The following EIF3D variants were observed in gnomAD, a reference collection of about 807,000 sequenced individuals.
EIF3D encodes eukaryotic translation initiation factor 3 subunit D, also known as eIF3 p66.
A neutral mutation model predicts 75.4 loss-of-function variants in EIF3D; 10 were observed. The ratio of observed to expected loss-of-function variants is 0.13; its 90% confidence interval spans 0.08 to 0.22. The LOEUF (loss-of-function observed/expected upper bound fraction) is 0.22, where lower values mean the gene tolerates loss of function less well. Ranked by LOEUF, EIF3D falls within the 10% of genes least tolerant of loss-of-function variation. The probability of loss-of-function intolerance (pLI) is 1.00; values close to 1 mark genes in which losing one functional copy is unlikely to be tolerated. For synonymous variants in EIF3D, 246 were observed against 248.3 expected (o/e 0.99, Z 0.09); for missense variants, 394 against 708.0 (o/e 0.56, Z 5.03).
rs1205270518 is a variant in EIF3D, at chr22:36,524,736, G to A, written c.170-4C>T. On this transcript the variant is annotated splice_region_variant and splice_polypyrimidine_tract_variant and intron_variant, in intron 3 of 14. Transcript: ENST00000216190. ...CCAAACTGAGAGGAGTACTTATCTG[G>A]AGGCAAAGGTGATGGCATGTAGTAA... 10 of 1,614,096 alleles carry A rather than the reference G, an allele frequency of 6.2e-6. No individual in the cohort carries two copies. In the African/African-American group the frequency reaches 1.3e-4, roughly 22 times the overall value.
chr22:36,512,169 C>A (rs1934350491), intron 13 of EIF3D, among the ~76,000 whole-genome samples: 1 of 152,202 alleles, frequency 6.6e-6, no homozygotes. Flanking sequence ...GGATTACAGG[C>A]ATGAGCCACC....
intron 9 of EIF3D, among the ~76,000 whole-genome samples, chr22:36,517,963 G>A (rs13056611): frequency 0.1 from 15,719 of 151,946 alleles, 918 homozygotes; most frequent in Middle Eastern, 0.27. Context: ...GGCCAGGCTT[G>A]GTCTCGATCT....
rs558028585 is a variant in EIF3D at position 36,514,555 on chromosome 22, C to G, written c.1206+1923G>C. 7.1e-4 allele frequency among the ~76,000 whole-genome samples: 102 copies of G among 144,108 alleles called. 1 individual carries two copies. The South Asian group carries it at 0.013, about 18-fold the overall frequency. The allele number at this position is 144,108 out of a possible 152,430, so 94.5% of individuals were successfully genotyped here. ...GTCGGAGACGGAGGAAGTCAGAGAT[C>G]TGAAGCACAAGAAGGATCTGATGTG... On this transcript the variant is annotated intron_variant, in intron 12 of 14. Coordinates refer to ENST00000216190, the MANE Select transcript of EIF3D (RefSeq NM_003753.4).
At chr22:36,512,018 G>A (rs1286798254) in intron 13 of EIF3D, among the ~76,000 whole-genome samples, 1 of 151,760 alleles carries the variant, frequency 6.6e-6, no homozygotes, top group East Asian at 1.9e-4. Flanking sequence ...AGCCCCCTGA[G>A]TAGCTGGGGC....
chr22:36,511,425 G>C, intron 14 of EIF3D, 78 bp downstream of exon 14: 1 of 1,573,522 alleles, frequency 6.4e-7, no homozygotes, highest in Non-Finnish European at 8.6e-7. Context: ...CAAGGTTAAA[G>C]ATCACAATGG....
intron 11 of EIF3D, 46 bp downstream of exon 11, chr22:36,516,659 C>A (rs1442470037): frequency 2.5e-6 from 4 of 1,613,952 alleles, no homozygotes; most frequent in East Asian, 2.2e-5. Context: ...TAGAGTGGGG[C>A]CCGTGCTCCA....
chr22:36,519,848 T>A (rs910680819), intron 7 of EIF3D, among the ~76,000 whole-genome samples: 1 of 152,176 alleles, frequency 6.6e-6, no homozygotes, highest in African/African-American at 2.4e-5. Flanking sequence ...GGTGCTCTGG[T>A]TTCCCACTAC....
At chr22:36,512,871 A>ACACAC (rs1315561064) in intron 12 of EIF3D, 1 of 408,212 alleles carries the variant, frequency 2.4e-6, no homozygotes, top group African/African-American at 2.0e-5. Context: ...ACACACACAC[A>ACACAC]CACACACACT....
chr22:36,519,492 G>A lies in EIF3D; in HGVS notation c.624C>T (p.Arg208=), dbSNP rs1372903545. 4 of 1,614,078 alleles carry A rather than the reference G, an allele frequency of 2.5e-6. No homozygotes were observed. The African/African-American group carries it at 5.3e-5, about 22-fold the overall frequency. Residue 208 remains arginine (R), a synonymous_variant, in exon 8 of 15, where the codon CGC becomes CGT. Transcript: ENST00000216190. ...ALEYYDKAFD[R]ITTRSEKPLR... is the part of the protein sequence containing the mutation. ...GTGGCTTCTCACTCCTCGTGGTGAT[G>A]CGGTCAAAGGCTTTGTCGTAGTATT...
chr22:36,515,449 GC>G (rs1308287568), intron 12 of EIF3D, among the ~76,000 whole-genome samples: 2 of 152,128 alleles, frequency 1.3e-5, no homozygotes, highest in African/African-American at 2.4e-5. Flanking sequence ...AATCGCTTGA[GC>G]CCGGGAGGTA....
At position 36,524,751 on chromosome 22, in the gene EIF3D, G is replaced by T. The variant is rs760961858; in HGVS notation, c.170-19C>A. The T allele has an allele frequency of 1.3e-5, 21 of 1,614,058 alleles. No individual in the cohort carries two copies. Among genetic ancestry groups the T allele is most frequent in the Admixed American group, 1.7e-5 (1 of 60,006 alleles). ...TACTTATCTGGAGGCAAAGGTGATGGCATGTAGTAACTGCACCCACAGACT... is the reference window on the plus strand; with the variant it reads ...TACTTATCTGGAGGCAAAGGTGATGTCATGTAGTAACTGCACCCACAGACT... On this transcript the variant is annotated intron_variant, in intron 3 of 14. Coordinates refer to ENST00000216190, the MANE Select transcript of EIF3D (RefSeq NM_003753.4).
chr22:36,519,666 G>T, intron 7 of EIF3D, 129 bp from the exon 8 acceptor site: 1 of 1,297,142 alleles, frequency 7.7e-7, no homozygotes, highest in Non-Finnish European at 1.1e-6. Context: ...GGCCAGAGCA[G>T]GAGAGACGAA....
chr22:36,527,992 G>A (rs931356757), intron 1 of EIF3D, among the ~76,000 whole-genome samples: 2 of 152,152 alleles, frequency 1.3e-5, no homozygotes, highest in African/African-American at 2.4e-5. Flanking sequence ...GAAACTATAG[G>A]AAGAGGACAG....
intron 1 of EIF3D, chr22:36,526,917 A>AC (rs1335440677): frequency 6.6e-6 from 1 of 152,248 alleles, no homozygotes; most frequent in African/African-American, 2.4e-5. Flanking sequence ...TGCAAAATAA[A>AC]CAAGATCCTT....
chr22:36,525,238 A>AATTT lies in EIF3D; in HGVS notation c.169+425_169+426insAAAT, dbSNP rs1569001775. ...CCAGGATCTTAAAACCAGGGGTTTT[A>AATTT]CTTTTTTTTTTTTTTTTTTTTTTGG... On this transcript the variant is annotated intron_variant, in intron 3 of 14. Transcript: ENST00000216190. Among the ~76,000 whole-genome samples the AATTT allele has an allele frequency of 9.0e-3, 1,058 of 117,240 alleles. 9 individuals carry two copies. Among genetic ancestry groups the AATTT allele is most frequent in the African/African-American group, 0.014 (428 of 31,578 alleles). The allele number at this position is 117,240 out of a possible 152,430, so 76.9% of individuals were successfully genotyped here.
At chr22:36,516,136 G>A (rs1319163754) in intron 12 of EIF3D, 1 of 201,836 alleles carries the variant, frequency 5.0e-6, no homozygotes, top group Admixed American at 5.7e-5. Flanking sequence ...AGATAATAAG[G>A]AGAGGAAAAA....
chr22:36,513,489 T>C (rs891410298), intron 12 of EIF3D, among the ~76,000 whole-genome samples: 1 of 151,992 alleles, frequency 6.6e-6, no homozygotes, highest in South Asian at 2.1e-4. Context: ...TTTTGGTAGA[T>C]ACGGGGTTTC....
intron 7 of EIF3D, among the ~76,000 whole-genome samples, chr22:36,519,789 C>A (rs532350822): frequency 6.6e-6 from 1 of 152,186 alleles, no homozygotes; most frequent in Non-Finnish European, 1.5e-5. Context: ...GAGGCTAAGA[C>A]AGGAGATGAC....
At position 36,520,659 on chromosome 22, in the gene EIF3D, A is replaced by G. The variant is rs1246757963; in HGVS notation, c.495T>C (p.Arg165=). Residue 165 remains arginine (R), a synonymous_variant, in exon 7 of 15, where the codon CGT becomes CGC. Transcript: ENST00000216190. ...QKPRDSSVEV[R]SDWEVKEEMD... ...TTTCCTCTTTCACTTCCCAATCACTACGAACTTCAACTGAAGAGTCTCGGG... is the reference window on the plus strand; with the variant it reads ...TTTCCTCTTTCACTTCCCAATCACTGCGAACTTCAACTGAAGAGTCTCGGG... 5 of 1,613,174 alleles carry G rather than the reference A, an allele frequency of 3.1e-6. No homozygotes were observed. The highest frequency in any genetic ancestry group is 1.7e-5 in the Admixed American group (1 of 59,992).
Sources: gnomAD v4.1 joint callset for allele counts (sites outside exome capture counted in the v4.1 genomes callset) on GRCh38, gnomAD v4.1.1 for gene constraint, MANE v1.5 for transcripts, NCBI Gene and HGNC (gene_info 2026-07-23, HGNC 2026-07-21) for gene names.